COL24A1: variants seen among roughly 807,000 people sequenced by gnomAD.
COL24A1 encodes collagen type XXIV alpha 1 chain.
In COL24A1, 224 loss-of-function variants were observed where a neutral mutation model predicts 253.9. The ratio of observed to expected loss-of-function variants is 0.88; its 90% CI spans 0.79 to 0.99. COL24A1 has a LOEUF of 0.99. COL24A1 is among the 50% of genes least tolerant of loss of function. The pLI, the probability that COL24A1 is intolerant of heterozygous loss-of-function variation, is 0.00. For synonymous variants in COL24A1, 685 were observed against 673.7 expected (o/e 1.02, Z -0.26); for missense variants, 2,131 against 2,068.5 (o/e 1.03, Z -0.59).
intron 14 of COL24A1, among the ~76,000 whole-genome samples, chr1:86,028,540 C>T (rs1698258819): frequency 6.6e-6 from 1 of 152,182 alleles, no homozygotes; most frequent in Admixed American, 6.5e-5. Flanking sequence ...CTTTGTCTTC[C>T]ACCATGATTG....
chr1:85,809,873 A>T (rs894786903), intron 47 of COL24A1, among the ~76,000 whole-genome samples: 1 of 150,830 alleles, frequency 6.6e-6, no homozygotes, highest in Admixed American at 6.6e-5. Flanking sequence ...GTACATTTAC[A>T]TTATTGTACA....
In COL24A1 at chr1:86,125,160, C is replaced by T; in HGVS notation, c.1176G>A (p.Lys392=). ...TAATTTGTGGAAGAATAGATGGCAT[C>T]TTCTTAAACAGTGACAGACCAGTTA... The part of the protein sequence containing the change: ...DRVTGLSLFK[K]MPSILPQIKQ... The change falls in exon 3 of 60, where the codon AAG becomes AAA. Residue 392 remains lysine (K), a synonymous_variant. Transcript: ENST00000370571. 1 of 1,613,372 alleles carries T rather than the reference C, an allele frequency of 6.2e-7. No individual in the cohort carries two copies. Among genetic ancestry groups the T allele is most frequent in the Non-Finnish European group, 8.5e-7 (1 of 1,179,676 alleles).
rs1461940319 is a variant in COL24A1 at position 86,115,344 on chromosome 1, G to A, written c.1526C>T (p.Ser509Leu). Residue 509 changes from serine (S) to leucine (L), a missense_variant, in exon 4 of 60, where the codon TCA becomes TTA. Ser to Leu is a moderately radical substitution (Grantham distance 145, BLOSUM62 -2). Coordinates refer to ENST00000370571, the MANE Select transcript of COL24A1 (RefSeq NM_152890.7). ...PPGPAGIPGP[S>L]GKRGPRGIPG... ...ACTTACCCGTGGACCTCTCTTCCCT[G>A]ACGGACCTGGGATACCTGCTGGACC... 1 of 1,613,828 alleles carries A rather than the reference G, an allele frequency of 6.2e-7. No individual in the cohort carries two copies. Among genetic ancestry groups the A allele is most frequent in the African/African-American group, 1.3e-5 (1 of 74,928 alleles).
chr1:86,107,559 G>C (rs1261297185), intron 5 of COL24A1, among the ~76,000 whole-genome samples: 1 of 146,956 alleles, frequency 6.8e-6, no homozygotes, highest in African/African-American at 2.5e-5. Context: ...ATTTATAGAC[G>C]GAGTCTGCTC....
rs369930973 is a variant in COL24A1 at position 85,990,488 on chromosome 1, G to A, written c.2311-2834C>T. Among the ~76,000 whole-genome samples the A allele has an allele frequency of 1.0e-3, 156 of 152,256 alleles. 3 individuals are homozygous for A. The South Asian group carries it at 0.022, about 22-fold the overall frequency. The stretch of plus-strand genomic sequence containing the variant: ...GCTCCTATGAGACTCTAATGCTGCC[G>A]CTGATCTGACAGGAGGTGAAGCTCA... On this transcript the variant is annotated intron_variant, in intron 19 of 59. Coordinates refer to ENST00000370571, the MANE Select transcript of COL24A1 (RefSeq NM_152890.7).
chr1:85,854,550 T>C (rs1007704293), intron 37 of COL24A1, among the ~76,000 whole-genome samples: 2 of 152,166 alleles, frequency 1.3e-5, no homozygotes, highest in African/African-American at 4.8e-5. Flanking sequence ...TTAAATTGCT[T>C]TTGAGAAGTA....
rs1395675194 is a variant in COL24A1 at position 85,987,674 on chromosome 1, A to G, written c.2311-20T>C. 6.3e-7 allele frequency: 1 copy of G among 1,599,706 alleles called. No homozygotes were observed. Among genetic ancestry groups the G allele is most frequent in the Non-Finnish European group, 8.5e-7 (1 of 1,171,830 alleles). On this transcript the variant is annotated intron_variant, in intron 19 of 59. Coordinates refer to ENST00000370571, the MANE Select transcript of COL24A1 (RefSeq NM_152890.7). The stretch of plus-strand genomic sequence containing the variant: ...AAAACCCTAGGGAATATAAAAATGT[A>G]GCGTTTATTCCATAGAAAATTACTT...
At chr1:86,003,770 G>A (rs147829191) in intron 19 of COL24A1, among the ~76,000 whole-genome samples, 1 of 141,418 alleles carries the variant, frequency 7.1e-6, no homozygotes, top group South Asian at 2.3e-4. Context: ...CTGGTCAGGG[G>A]CCTGGGAGGA....
intron 5 of COL24A1, among the ~76,000 whole-genome samples, chr1:86,093,452 T>C (rs972770699): frequency 6.6e-6 from 1 of 152,032 alleles, no homozygotes; most frequent in African/African-American, 2.4e-5. Context: ...TGTGCAGTCT[T>C]ATTTCTGTGT....
At chr1:85,918,092 C>T (rs908619814) in intron 24 of COL24A1, among the ~76,000 whole-genome samples, 1 of 151,050 alleles carries the variant, frequency 6.6e-6, no homozygotes, top group Non-Finnish European at 1.5e-5. Flanking sequence ...GACAAGAAGT[C>T]CTTAATTTTT....
At chr1:86,068,252 TGAG>T (rs148996907) in intron 7 of COL24A1, among the ~76,000 whole-genome samples, 1 of 152,312 alleles carries the variant, frequency 6.6e-6, no homozygotes, top group African/African-American at 2.4e-5. Flanking sequence ...AAAGAGGCAC[TGAG>T]GAGGACAAGA....
In COL24A1 at chr1:85,927,300, G is replaced by C. The variant is rs28571037; in HGVS notation, c.2563-15867C>G. ...CAAGGAGTCAGGGAGTTCCCTTTCC[G>C]AGTCAAAGAAAGGGGTGACGGACGG... is the stretch of plus-strand genomic sequence containing the variant. On this transcript the variant is annotated intron_variant, in intron 24 of 59. Transcript: ENST00000370571. Among the ~76,000 whole-genome samples the C allele has an allele frequency of 8.6e-5, 13 of 151,912 alleles. No homozygotes were observed. The East Asian group carries it at 1.9e-3, about 23-fold the overall frequency.
intron 11 of COL24A1, among the ~76,000 whole-genome samples, chr1:86,047,890 G>A (rs1048969414): frequency 6.6e-6 from 1 of 152,038 alleles, no homozygotes; most frequent in Non-Finnish European, 1.5e-5. Context: ...CAACCATGTA[G>A]CTTGAGATTA....
chr1:86,045,220 C>A (rs1189391050), intron 12 of COL24A1, among the ~76,000 whole-genome samples: 1 of 152,070 alleles, frequency 6.6e-6, no homozygotes, highest in Non-Finnish European at 1.5e-5. Flanking sequence ...GAACACCTGA[C>A]CTCAACTGAT....
At chr1:86,013,121 G>C (rs1184338687) in intron 19 of COL24A1, among the ~76,000 whole-genome samples, 1 of 152,154 alleles carries the variant, frequency 6.6e-6, no homozygotes, top group African/African-American at 2.4e-5. Context: ...GAAGTAATTT[G>C]CTCAAGGTAC....
chr1:85,909,347 C>T (rs1371433159), intron 26 of COL24A1, among the ~76,000 whole-genome samples: 1 of 151,796 alleles, frequency 6.6e-6, no homozygotes, highest in African/African-American at 2.4e-5. Context: ...AAGGCATTTT[C>T]TGTATGGAAT....
intron 43 of COL24A1, among the ~76,000 whole-genome samples, chr1:85,828,881 T>C (rs1570795716): frequency 6.8e-6 from 1 of 147,810 alleles, no homozygotes; most frequent in Non-Finnish European, 1.5e-5. Flanking sequence ...TTATCCAATT[T>C]GCCAGTCTGT....
chr1:86,085,136 T>C (rs1271296739), intron 7 of COL24A1, among the ~76,000 whole-genome samples: 5 of 152,182 alleles, frequency 3.3e-5, no homozygotes, highest in African/African-American at 1.2e-4. Context: ...AGCTCCTTAG[T>C]ACTATCCTTG....
intron 25 of COL24A1, among the ~76,000 whole-genome samples, chr1:85,910,341 C>T (rs187115799): frequency 1.3e-5 from 2 of 151,890 alleles, no homozygotes; most frequent in Admixed American, 6.6e-5. Flanking sequence ...ATGAGACATA[C>T]AAAATATGAG....
Sources: allele counts gnomAD v4.1 joint callset (sites outside exome capture counted in the v4.1 genomes callset), GRCh38; gene constraint gnomAD v4.1.1; transcripts MANE v1.5; gene names NCBI Gene and HGNC (gene_info 2026-07-23, HGNC 2026-07-21).